PCDHA5: variants seen among roughly 807,000 people sequenced by gnomAD.
PCDHA5 encodes protocadherin alpha 5, also known as protocadherin alpha-5.
Under a neutral mutation model 61.6 loss-of-function variants are expected in PCDHA5, and 43 were observed. The ratio of observed to expected loss-of-function variants is 0.70; its 90% CI spans 0.55 to 0.90. The LOEUF is 0.90. Among genes scored for constraint, PCDHA5 ranks in the 40% least tolerant of loss-of-function variants. PCDHA5 has a pLI of 0.00. For missense variants in PCDHA5, 1,298 were observed against 1,222.7 expected (o/e 1.06, Z -0.92); for synonymous variants, 627 against 543.9 (o/e 1.15, Z -2.13).
intron 1 of PCDHA5, among the ~76,000 whole-genome samples, chr5:140,970,875 AT>A (rs1213440334): frequency 6.6e-6 from 1 of 152,100 alleles, no homozygotes; most frequent in African/African-American, 2.4e-5. Flanking sequence ...TTGAGAGTAG[AT>A]TTTTCTCATG....
chr5:140,875,771 C>A (rs182160950), intron 1 of PCDHA5: 3 of 1,614,080 alleles, frequency 1.9e-6, no homozygotes, highest in Non-Finnish European at 2.5e-6. Context: ...GGGCGGAGCG[C>A]GGAGTGCAGT....
At chr5:140,829,654 G>T in intron 1 of PCDHA5, 1 of 1,612,542 alleles carries the variant, frequency 6.2e-7, no homozygotes, top group Non-Finnish European at 8.5e-7. Context: ...ACGCGCTGCA[G>T]CCGCTGGACC....
intron 1 of PCDHA5, among the ~76,000 whole-genome samples, chr5:140,941,214 C>CTTTCTTT (rs1554214039): frequency 0.058 from 7,135 of 122,220 alleles, 362 homozygotes; most frequent in South Asian, 0.079. Context: ...TTTCTTTCTT[C>CTTTCTTT]CTTTCTTTCT....
chr5:140,915,504 T>C (rs1554196920), intron 1 of PCDHA5, among the ~76,000 whole-genome samples: 1 of 152,136 alleles, frequency 6.6e-6, no homozygotes, highest in Non-Finnish European at 1.5e-5. Context: ...AATACTGTGG[T>C]TTTTGCAGAC....
chr5:140,874,018 G>A (rs1033387450), intron 1 of PCDHA5, among the ~76,000 whole-genome samples: 2 of 152,114 alleles, frequency 1.3e-5, no homozygotes, highest in Admixed American at 1.3e-4. Context: ...TTTTGAAAAT[G>A]AAAAATAGGA....
At chr5:140,828,682 G>T (rs1562298994) in intron 1 of PCDHA5, 1 of 1,614,236 alleles carries the variant, frequency 6.2e-7, no homozygotes, top group Non-Finnish European at 8.5e-7. Context: ...TCTTATTAAA[G>T]AAATCCTTGG....
chr5:140,893,432 C>T (rs1280374649), intron 1 of PCDHA5, among the ~76,000 whole-genome samples: 5 of 151,946 alleles, frequency 3.3e-5, no homozygotes, highest in Non-Finnish European at 7.4e-5. Flanking sequence ...GCAGGAAGAT[C>T]GCTTGAAGCC....
chr5:140,928,903 T>C, intron 1 of PCDHA5: 1 of 1,614,190 alleles, frequency 6.2e-7, no homozygotes, highest in Non-Finnish European at 8.5e-7. Flanking sequence ...TGAAGATGTC[T>C]GGGAACCAGG....
rs781799131 is a variant in PCDHA5, at chr5:140,824,081, T to G, written c.2306T>G (p.Met769Arg). ...SGEAPPKTDLMAFSPSLPQGP... is the reference protein window; with the variant it reads ...SGEAPPKTDLRAFSPSLPQGP... ...GAAGCTCCACCCAAAACAGACCTCA[T>G]GGCCTTCAGTCCAAGCCTTCCTCAG... Residue 769 changes from methionine to arginine, a missense_variant, in exon 1 of 4, where the codon ATG becomes AGG. Physicochemically the swap from Met to Arg is moderately conservative, Grantham distance 91. Coordinates refer to ENST00000529859, the MANE Select transcript of PCDHA5 (RefSeq NM_018908.3). 1 of 1,614,124 alleles carries G rather than the reference T, an allele frequency of 6.2e-7. No individual in the cohort carries two copies. The highest frequency in any genetic ancestry group is 8.5e-7 in the Non-Finnish European group (1 of 1,180,048).
At chr5:140,850,719 T>C in intron 1 of PCDHA5, 1 of 1,597,696 alleles carries the variant, frequency 6.3e-7, no homozygotes, top group Non-Finnish European at 8.6e-7. Flanking sequence ...GCTGGTGTGT[T>C]CTAGCGCGGT....
chr5:140,835,202 G>A, intron 1 of PCDHA5: 1 of 1,560,884 alleles, frequency 6.4e-7, no homozygotes, highest in African/African-American at 1.4e-5. Flanking sequence ...ACGAAGGCTT[G>A]AATGGGGATA....
intron 1 of PCDHA5, chr5:140,882,970 C>A (rs111935814): frequency 1.2e-6 from 2 of 1,614,130 alleles, no homozygotes; most frequent in African/African-American, 1.3e-5. Flanking sequence ...CGATTCTGGA[C>A]GTGAATGACA....
chr5:140,821,848 G>A lies in PCDHA5; in HGVS notation c.73G>A (p.Ala25Thr), dbSNP rs2150111173. 6.2e-7 allele frequency: 1 copy of A among 1,614,192 alleles called. No homozygotes were observed. The highest frequency in any genetic ancestry group is 1.1e-5 in the South Asian group (1 of 91,084). Residue 25 changes from alanine to threonine, a missense_variant, in exon 1 of 4, where the codon GCA becomes ACA. By Grantham distance (58) the Ala-to-Thr change is moderately conservative (BLOSUM62 0). Transcript: ENST00000529859. The part of the protein sequence containing the change: ...LLWLLLAYWK[A>T]GSGQLHYSIP... ...CTGGCTTCTCCTTGCCTACTGGAAGGCAGGGAGCGGCCAGCTCCACTACTC... is the reference window on the plus strand; with the variant it reads ...CTGGCTTCTCCTTGCCTACTGGAAGACAGGGAGCGGCCAGCTCCACTACTC...
At chr5:140,995,214 C>T (rs1193715389) in intron 3 of PCDHA5, among the ~76,000 whole-genome samples, 2 of 152,136 alleles carry the variant, frequency 1.3e-5, no homozygotes, top group Admixed American at 6.6e-5. Flanking sequence ...AGGCACAATA[C>T]TCTTGTGCTT....
chr5:140,901,440 G>C (rs187310877), intron 1 of PCDHA5, among the ~76,000 whole-genome samples: 22 of 152,214 alleles, frequency 1.4e-4, no homozygotes, highest in Admixed American at 5.2e-4. Flanking sequence ...TGGATATCTA[G>C]TTTCCCAGCA....
At chr5:140,850,831 G>C (rs981885351) in intron 1 of PCDHA5, 1 of 1,598,080 alleles carries the variant, frequency 6.3e-7, no homozygotes, top group Non-Finnish European at 8.6e-7. Context: ...CTTTCTCCTT[G>C]TGCTGGATCT....
At chr5:140,966,724 CGCCTCCGGCCCTGCCCGGCT>C (rs1563354102) in intron 1 of PCDHA5, 1 of 1,396,284 alleles carries the variant, frequency 7.2e-7, no homozygotes, top group Admixed American at 3.3e-5. Flanking sequence ...GGGAAGCTGC[CGCCTCCGGCCCTGCCCGGCT>C]GCCTCCGCCG....
At chr5:140,923,480 C>G (rs1554201462) in intron 1 of PCDHA5, among the ~76,000 whole-genome samples, 1 of 152,064 alleles carries the variant, frequency 6.6e-6, no homozygotes, top group African/African-American at 2.4e-5. Context: ...AGTGAGCCAT[C>G]TTCACACCAC....
intron 1 of PCDHA5, among the ~76,000 whole-genome samples, chr5:140,970,004 G>A (rs1322154107): frequency 6.6e-6 from 1 of 152,200 alleles, no homozygotes; most frequent in Non-Finnish European, 1.5e-5. Context: ...CAGAGGGAGT[G>A]GATGATGGTG....
Sources: gnomAD v4.1 joint callset for allele counts (sites outside exome capture counted in the v4.1 genomes callset) on GRCh38, gnomAD v4.1.1 for gene constraint, MANE v1.5 for transcripts, NCBI Gene and HGNC (gene_info 2026-07-23, HGNC 2026-07-21) for gene names.